Variants in CDC42BPB observed in about 807,000 individuals in gnomAD.
CDC42BPB encodes the protein CDC42 binding protein kinase beta.
CDC42BPB carries 37 observed loss-of-function variants against 214.9 expected under a neutral mutation model. That is an observed-to-expected ratio of 0.17 (90% CI 0.13 to 0.23). The LOEUF (loss-of-function observed/expected upper bound fraction) is 0.23. Ranked by LOEUF, CDC42BPB falls within the 10% of genes least tolerant of loss-of-function variation. CDC42BPB has a pLI of 1.00. For synonymous variants in CDC42BPB, 931 were observed against 884.0 expected (o/e 1.05, Z -0.94); for missense variants, 1,694 against 2,227.0 (o/e 0.76, Z 4.82).
chr14:102,974,303 C>CACAT (rs999846664), intron 11 of CDC42BPB, 154 bp from the exon 12 acceptor site: 2 of 984,342 alleles, frequency 2.0e-6, no homozygotes, highest in Admixed American at 1.2e-4. Context: ...CACACACACA[C>CACAT]ACACACACAC....
At chr14:102,978,795 C>T (rs148869928) in intron 8 of CDC42BPB, among the ~76,000 whole-genome samples, 1 of 152,208 alleles carries the variant, frequency 6.6e-6, no homozygotes, top group African/African-American at 2.4e-5. Context: ...TGCTTGAGAC[C>T]AGGAGTTCAA....
chr14:102,999,740 G>C (rs775935680), intron 4 of CDC42BPB, 27 bp from the exon 5 acceptor site: 1 of 1,613,766 alleles, frequency 6.2e-7, no homozygotes, highest in East Asian at 2.2e-5. Context: ...GAAGGGGAGA[G>C]AATACCACAT....
intron 20 of CDC42BPB, among the ~76,000 whole-genome samples, chr14:102,962,602 C>A (rs1367447447): frequency 6.6e-6 from 1 of 152,216 alleles, no homozygotes; most frequent in African/African-American, 2.4e-5. Flanking sequence ...GTAATTCCAG[C>A]ACTTTGGGAG....
At chr14:102,942,323 G>C (rs1344933533) in intron 30 of CDC42BPB, among the ~76,000 whole-genome samples, 1 of 152,184 alleles carries the variant, frequency 6.6e-6, no homozygotes, top group African/African-American at 2.4e-5. Flanking sequence ...TCACAGGCCT[G>C]GTGTCTAGCC....
At chr14:103,052,045 T>C (rs1888639997) in intron 1 of CDC42BPB, among the ~76,000 whole-genome samples, 1 of 151,930 alleles carries the variant, frequency 6.6e-6, no homozygotes, top group South Asian at 2.1e-4. Flanking sequence ...TTTCACCTTG[T>C]TGGCCAGGCT....
At chr14:102,952,173 C>A (rs1312673460) in intron 24 of CDC42BPB, among the ~76,000 whole-genome samples, 1 of 151,972 alleles carries the variant, frequency 6.6e-6, no homozygotes, top group Non-Finnish European at 1.5e-5. Context: ...AAAGTGAGAT[C>A]CCTCAACTCT....
chr14:103,031,838 G>C (rs955354722), intron 1 of CDC42BPB, among the ~76,000 whole-genome samples: 1 of 152,048 alleles, frequency 6.6e-6, no homozygotes, highest in Admixed American at 6.6e-5. Context: ...CACATGGGTG[G>C]ACAAGTATCA....
chr14:103,003,984 C>T lies in CDC42BPB; in HGVS notation c.391G>A (p.Gly131Ser), dbSNP rs1225331202. 2 of 1,609,938 alleles carry T rather than the reference C, an allele frequency of 1.2e-6. No individual in the cohort carries two copies. The highest frequency in any genetic ancestry group is 8.5e-7 in the Non-Finnish European group (1 of 1,179,400). Residue 131 changes from glycine (G) to serine (S), a missense_variant, in exon 4 of 37, where the codon GGC becomes AGC. Gly to Ser is a moderately conservative substitution (Grantham distance 56). This residue lies in a region of CDC42BPB where 225 missense variants were observed against 459.3 expected (regional missense o/e 0.49). Transcript: ENST00000361246. ...FREERDVLVN[G>S]DCQWITALHY... ...AGCGCGGTGATCCACTGGCAGTCGC[C>T]GTTCACCAGCACATCGCGCTCCTCT...
chr14:103,017,589 T>C (rs563505238), intron 1 of CDC42BPB, among the ~76,000 whole-genome samples: 22 of 151,806 alleles, frequency 1.4e-4, no homozygotes, highest in Non-Finnish European at 2.6e-4. Flanking sequence ...ATAGCCTCAC[T>C]TCTGTGATTT....
intron 1 of CDC42BPB, among the ~76,000 whole-genome samples, chr14:103,026,054 T>C (rs1170493951): frequency 6.6e-6 from 1 of 151,946 alleles, no homozygotes. Flanking sequence ...TACAAAAAAA[T>C]TAACTCAAAA....
chr14:103,004,363 T>C lies in CDC42BPB; in HGVS notation c.352-340A>G. ...GGCACCTCCTGACTCCTCTACCAGA[T>C]CAACCTCTGCCAAGTATCGATGGCA... On this transcript the variant is annotated intron_variant, in intron 3 of 36. Coordinates refer to ENST00000361246, the MANE Select transcript of CDC42BPB (RefSeq NM_006035.4). The surrounding 1 kb of genome is among the most constrained non-coding windows in gnomAD (Gnocchi z 5.3). 1 of 240,538 alleles carries C rather than the reference T, an allele frequency of 4.2e-6. No individual in the cohort carries two copies. Among genetic ancestry groups the C allele is most frequent in the South Asian group, 7.6e-5 (1 of 13,090 alleles). 14.9% of individuals were successfully genotyped at this position (240,538 alleles called of 1,614,324 possible).
chr14:103,031,988 TTA>T (rs1269039065), intron 1 of CDC42BPB, among the ~76,000 whole-genome samples: 38 of 130,954 alleles, frequency 2.9e-4, no homozygotes, highest in African/African-American at 1.4e-3. Context: ...ATTATTATTA[TTA>T]TTTTTTTTTT....
chr14:102,986,720 C>G (rs1218330214), intron 5 of CDC42BPB, 140 bp from the exon 6 acceptor site: 8 of 1,353,484 alleles, frequency 5.9e-6, no homozygotes, highest in Non-Finnish European at 7.6e-6. Flanking sequence ...ACAAATGCCT[C>G]TGTGTGACAT....
chr14:102,993,176 G>A (rs2139568176), intron 5 of CDC42BPB, among the ~76,000 whole-genome samples: 1 of 152,206 alleles, frequency 6.6e-6, no homozygotes, highest in South Asian at 2.1e-4. Flanking sequence ...CTCTTTTCTT[G>A]GAAGTGTCTA....
At position 103,004,382 on chromosome 14, in the gene CDC42BPB, G is replaced by A. The variant is rs1031195512; in HGVS notation, c.352-359C>T. 3.3e-5 allele frequency: 7 copies of A among 212,584 alleles called. No homozygotes were observed. In the East Asian group the frequency reaches 9.2e-4, roughly 28 times the overall value. 13.2% of individuals were successfully genotyped at this position (212,584 alleles called of 1,614,324 possible). On this transcript the variant is annotated intron_variant, in intron 3 of 36. Transcript: ENST00000361246. The surrounding 1 kb of genome is among the most constrained non-coding windows in gnomAD (Gnocchi z 5.3). Reference sequence around the variant, plus strand: ...ACCAGATCAACCTCTGCCAAGTATCGATGGCATGGGCAGCCCCACGTGTCT... The same window carrying A: ...ACCAGATCAACCTCTGCCAAGTATCAATGGCATGGGCAGCCCCACGTGTCT...
At chr14:103,012,429 A>C (rs1276398391) in intron 1 of CDC42BPB, 4 of 203,336 alleles carry the variant, frequency 2.0e-5, no homozygotes, top group Non-Finnish European at 3.5e-5. Context: ...ACACTGTTGC[A>C]GCCGACGACG....
At chr14:103,028,663 C>T (rs887812663) in intron 1 of CDC42BPB, among the ~76,000 whole-genome samples, 14 of 152,216 alleles carry the variant, frequency 9.2e-5, no homozygotes, top group African/African-American at 3.4e-4. Flanking sequence ...AAAAGAAACC[C>T]ACAGCTTCCA....
chr14:102,934,782 T>C (rs1022964901), intron 36 of CDC42BPB, among the ~76,000 whole-genome samples: 23 of 151,628 alleles, frequency 1.5e-4, no homozygotes, highest in African/African-American at 4.6e-4. Context: ...GAGGCCAAGG[T>C]GGGCAGATCA....
At chr14:102,956,892 T>G (rs1248406942) in intron 21 of CDC42BPB, among the ~76,000 whole-genome samples, 1 of 151,054 alleles carries the variant, frequency 6.6e-6, no homozygotes, top group Non-Finnish European at 1.5e-5. Flanking sequence ...TATAAATCAA[T>G]TATGGGCCAG....
Sources: gnomAD v4.1 joint callset for allele counts (sites outside exome capture counted in the v4.1 genomes callset) on GRCh38, gnomAD v4.1.1 for gene constraint, gnomAD v4.1.1 regional missense constraint, Gnocchi (gnomAD v3.1) non-coding constraint, MANE v1.5 for transcripts, NCBI Gene and HGNC (gene_info 2026-07-23, HGNC 2026-07-21) for gene names.